Variants in GRK5 observed in about 807,000 individuals in gnomAD.
GRK5 encodes G protein-coupled receptor kinase 5.
A neutral mutation model predicts 78.4 loss-of-function variants in GRK5; 40 were observed. The observed-to-expected ratio is 0.51, with a 90% confidence interval of 0.40 to 0.66. The LOEUF is 0.66. GRK5 is among the 30% of genes least tolerant of loss of function. GRK5 has a pLI of 0.00. For synonymous variants in GRK5, 289 were observed against 296.8 expected, an observed-to-expected ratio of 0.97 and a Z score of 0.27; for missense variants, 598 against 759.9, an observed-to-expected ratio of 0.79 and a Z score of 2.50.
At chr10:119,323,985 A>C (rs1850631518) in intron 1 of GRK5, among the ~76,000 whole-genome samples, 1 of 151,998 alleles carries the variant, frequency 6.6e-6, no homozygotes, top group Non-Finnish European at 1.5e-5. Flanking sequence ...CAAACAAGCC[A>C]CCTAAGGGTC....
intron 10 of GRK5, among the ~76,000 whole-genome samples, chr10:119,441,459 C>T (rs1853033824): frequency 6.6e-6 from 1 of 152,234 alleles, no homozygotes; most frequent in South Asian, 2.1e-4. Context: ...GGGCTCAGTC[C>T]TGGGCTGTGA....
At chr10:119,305,122 C>T (rs577181047) in intron 1 of GRK5, among the ~76,000 whole-genome samples, 2 of 152,176 alleles carry the variant, frequency 1.3e-5, no homozygotes, top group South Asian at 4.2e-4. Context: ...CTGAGCTTCA[C>T]CTTGTGGTTG....
chr10:119,323,977 A>G (rs1850631276), intron 1 of GRK5, among the ~76,000 whole-genome samples: 1 of 152,158 alleles, frequency 6.6e-6, no homozygotes, highest in Admixed American at 6.5e-5. Context: ...CAAGCAGACA[A>G]ACAAGCCACC....
intron 13 of GRK5, among the ~76,000 whole-genome samples, chr10:119,450,887 G>T (rs191379249): frequency 6.6e-6 from 1 of 152,058 alleles, no homozygotes; most frequent in East Asian, 1.9e-4. Flanking sequence ...GTGCGAAGCC[G>T]CTGTGAGCTG....
At chr10:119,304,043 A>G (rs1469721915) in intron 1 of GRK5, among the ~76,000 whole-genome samples, 4 of 152,100 alleles carry the variant, frequency 2.6e-5, no homozygotes, top group African/African-American at 9.7e-5. Context: ...CTGGATCCAG[A>G]AGGCGGAGGG....
At chr10:119,243,646 G>T (rs1849060793) in intron 1 of GRK5, among the ~76,000 whole-genome samples, 1 of 151,466 alleles carries the variant, frequency 6.6e-6, no homozygotes, top group Non-Finnish European at 1.5e-5. Flanking sequence ...CTGGGTCAGG[G>T]GGTCAAAGAA....
At chr10:119,261,705 C>T (rs868262938) in intron 1 of GRK5, among the ~76,000 whole-genome samples, 1 of 152,204 alleles carries the variant, frequency 6.6e-6, no homozygotes, top group Non-Finnish European at 1.5e-5. Flanking sequence ...GAGACCAGCC[C>T]GGCCAACACA....
chr10:119,292,726 G>A (rs4752280), intron 1 of GRK5, among the ~76,000 whole-genome samples: 2 of 152,240 alleles, frequency 1.3e-5, no homozygotes, highest in Non-Finnish European at 2.9e-5. Flanking sequence ...CCTATACACA[G>A]CCTCTGGTAT....
At chr10:119,301,125 A>T (rs1170791021) in intron 1 of GRK5, among the ~76,000 whole-genome samples, 4 of 151,838 alleles carry the variant, frequency 2.6e-5, no homozygotes, top group Non-Finnish European at 5.9e-5. Context: ...AAAAAAGTGC[A>T]GAACCCATAG....
rs1007346010 is a variant in GRK5 at position 119,379,004 on chromosome 10, G to A, written c.149-1811G>A. Reference sequence around the variant, plus strand: ...TTGATTGGCTGTGACTGAGTCACGTGCCTGTCTCCGTAGCATGGGAGGCGT... The same window carrying A: ...TTGATTGGCTGTGACTGAGTCACGTACCTGTCTCCGTAGCATGGGAGGCGT... On this transcript the variant is annotated intron_variant, in intron 2 of 15. Transcript: ENST00000392870. This position sits in a 1 kb window ranked among gnomAD's most constrained non-coding sequence, Gnocchi z 4.1. Among the ~76,000 whole-genome samples, 5 of 152,220 alleles carry A rather than the reference G, an allele frequency of 3.3e-5. No homozygotes were observed. The South Asian group carries it at 8.3e-4, about 25-fold the overall frequency.
chr10:119,385,893 T>C (rs544649340), intron 3 of GRK5, among the ~76,000 whole-genome samples: 6 of 151,982 alleles, frequency 3.9e-5, no homozygotes, highest in African/African-American at 1.4e-4. Flanking sequence ...TTTTTTTTTT[T>C]AATTTTTATT....
chr10:119,213,139 C>G (rs1020670416), intron 1 of GRK5: 1 of 152,230 alleles, frequency 6.6e-6, no homozygotes, highest in African/African-American at 2.4e-5. Flanking sequence ...ACACAAGACC[C>G]TGTCTCTAAA....
chr10:119,313,522 G>T (rs192759225), intron 1 of GRK5, among the ~76,000 whole-genome samples: 2 of 152,282 alleles, frequency 1.3e-5, no homozygotes, highest in African/African-American at 4.8e-5. Context: ...GGCCACACAG[G>T]TGGTATGTAG....
intron 1 of GRK5, among the ~76,000 whole-genome samples, chr10:119,233,492 G>A (rs1395992187): frequency 6.6e-6 from 1 of 152,172 alleles, no homozygotes; most frequent in Non-Finnish European, 1.5e-5. Context: ...GGCATAGCAC[G>A]ATGTTGAATC....
At chr10:119,395,328 C>T (rs1023732289) in intron 3 of GRK5, among the ~76,000 whole-genome samples, 1 of 152,232 alleles carries the variant, frequency 6.6e-6, no homozygotes, top group Non-Finnish European at 1.5e-5. Flanking sequence ...GCCTGGCTGC[C>T]TCTGTGGTCA....
intron 1 of GRK5, among the ~76,000 whole-genome samples, chr10:119,295,783 A>T (rs1850069818): frequency 6.6e-6 from 1 of 150,498 alleles, no homozygotes; most frequent in South Asian, 2.1e-4. Context: ...GAATGATACG[A>T]TGGACTTCAG....
rs564182425 is a variant in GRK5 at position 119,272,508 on chromosome 10, G to A, written c.53-54008G>A. 1.7e-4 allele frequency among the ~76,000 whole-genome samples: 26 copies of A among 151,442 alleles called. No individual in the cohort carries two copies. The Middle Eastern group carries it at 0.01, about 59-fold the overall frequency. ...GGAGAATCACCTAAACCTGGGAGGC[G>A]GAGGTTGCAGTGAGCCGAGATCATG... On this transcript the variant is annotated intron_variant, in intron 1 of 15. Transcript: ENST00000392870.
chr10:119,367,739 C>T (rs1273303621), intron 2 of GRK5, among the ~76,000 whole-genome samples: 1 of 152,222 alleles, frequency 6.6e-6, no homozygotes, highest in African/African-American at 2.4e-5. Context: ...TGCTTCCTGT[C>T]CCTGTGAGTG....
chr10:119,439,626 C>G (rs2133904081), intron 9 of GRK5, 105 bp from the exon 10 acceptor site: 2 of 978,544 alleles, frequency 2.0e-6, no homozygotes, highest in East Asian at 4.9e-5. Context: ...AGGAAACACA[C>G]TGTGGCCACT....
Sources: allele counts gnomAD v4.1 joint callset (sites outside exome capture counted in the v4.1 genomes callset), GRCh38; gene constraint gnomAD v4.1.1; non-coding constraint Gnocchi (gnomAD v3.1); transcripts MANE v1.5; gene names NCBI Gene and HGNC (gene_info 2026-07-23, HGNC 2026-07-21).